PLXNA2: variants seen among roughly 807,000 people sequenced by gnomAD.
The protein encoded by PLXNA2 is plexin A2.
PLXNA2 carries 91 observed loss-of-function variants against 193.5 expected under a neutral mutation model. That is an observed-to-expected ratio of 0.47 (90% CI 0.40 to 0.56). PLXNA2 has a LOEUF of 0.56. PLXNA2 is among the 20% of genes least tolerant of loss of function. The pLI, the probability that PLXNA2 is intolerant of heterozygous loss-of-function variation, is 0.00. For missense variants in PLXNA2, 1,995 were observed against 2,503.2 expected (o/e 0.80, Z 4.33); for synonymous variants, 997 against 1,027.3 (o/e 0.97, Z 0.56).
chr1:208,047,546 C>T (rs1665119226), intron 17 of PLXNA2, among the ~76,000 whole-genome samples: 1 of 152,242 alleles, frequency 6.6e-6, no homozygotes, highest in African/African-American at 2.4e-5. Context: ...AAAACCCAGA[C>T]TCCTACTCCC....
chr1:208,042,953 C>T (rs1664924055), intron 21 of PLXNA2, 108 bp downstream of exon 21: 1 of 1,148,076 alleles, frequency 8.7e-7, no homozygotes, highest in African/African-American at 1.5e-5. Flanking sequence ...CTACTGACCC[C>T]TCTTCCCTGC....
intron 2 of PLXNA2, among the ~76,000 whole-genome samples, chr1:208,210,731 A>C (rs1670916555): frequency 6.6e-6 from 1 of 152,168 alleles, no homozygotes; most frequent in African/African-American, 2.4e-5. Context: ...CTGCCAGGAG[A>C]ACCAGGATCA....
Position 208,084,432 on chromosome 1 carries a change from C to G in PLXNA2, c.2246G>C (p.Arg749Pro). The G allele has an allele frequency of 6.2e-7, 1 of 1,614,248 alleles. No individual in the cohort carries two copies. The highest frequency in any genetic ancestry group is 8.5e-7 in the Non-Finnish European group (1 of 1,180,044). The change falls in exon 10 of 32, where the codon CGG (arginine) becomes CCG (proline). Residue 749 changes from arginine to proline, a missense_variant. Arg to Pro is a moderately radical substitution (Grantham distance 103, BLOSUM62 -2). Transcript: ENST00000367033. The part of the protein sequence containing the change: ...CVLNIQGAIH[R>P]VPALRFNSSS... The stretch of plus-strand genomic sequence containing the variant: ...GCTGTTGAAGCGCAGAGCGGGGACC[C>G]GGTGGATGGCTCCTTGTATGTTGAG...
chr1:208,207,621 T>C (rs978362711), intron 3 of PLXNA2, among the ~76,000 whole-genome samples: 1 of 152,096 alleles, frequency 6.6e-6, no homozygotes, highest in African/African-American at 2.4e-5. Flanking sequence ...CTTTCCAAAC[T>C]CTTAGCTATT....
At chr1:208,160,042 C>G (rs1669062598) in intron 3 of PLXNA2, among the ~76,000 whole-genome samples, 1 of 152,180 alleles carries the variant, frequency 6.6e-6, no homozygotes, top group Non-Finnish European at 1.5e-5. Context: ...CTGTAAGGCT[C>G]CTCTGGTCTC....
chr1:208,051,068 G>C lies in PLXNA2; in HGVS notation c.3196C>G (p.Leu1066Val). ...ATCCTTGGCTCCTGAATGACATCCA[G>C]GTTGAAGCCTGTGATGGTCAGGGGT... ...HTPLTITGFNLDVIQEPRIRV... is the reference protein window; with the variant it reads ...HTPLTITGFNVDVIQEPRIRV... Residue 1066 changes from leucine to valine, a missense_variant, in exon 17 of 32, where the codon CTG (leucine) becomes GTG (valine). This residue lies in a region of PLXNA2 where 1,291 missense variants were observed against 1,673.6 expected (regional missense o/e 0.77). Transcript: ENST00000367033. The C allele has an allele frequency of 6.2e-7, 1 of 1,614,144 alleles. No individual in the cohort carries two copies. The highest frequency in any genetic ancestry group is 8.5e-7 in the Non-Finnish European group (1 of 1,179,984).
chr1:208,187,726 T>C (rs528239046), intron 3 of PLXNA2, among the ~76,000 whole-genome samples: 19 of 152,316 alleles, frequency 1.2e-4, no homozygotes, highest in African/African-American at 4.1e-4. Flanking sequence ...AAGTATTTTC[T>C]CCACCTTCAG....
chr1:208,081,861 A>G (rs1666353521), intron 11 of PLXNA2, among the ~76,000 whole-genome samples: 1 of 152,114 alleles, frequency 6.6e-6, no homozygotes, highest in Non-Finnish European at 1.5e-5. Flanking sequence ...GGAGCTCGAC[A>G]TGAGTTTATA....
rs187164153 is a variant in PLXNA2, at chr1:208,097,067, T to A, written c.1732-184A>T. On this transcript the variant is annotated intron_variant, in intron 6 of 31. Transcript: ENST00000367033. ...AGTTACAGTCATTAATTATTCAATG[T>A]GTGTAGGGTCAATGGTCTTTATTAA... Among the ~76,000 whole-genome samples, 156 of 152,322 alleles carry A rather than the reference T, an allele frequency of 1.0e-3. 1 individual carries two copies. The highest frequency in any genetic ancestry group is 3.1e-3 in the Admixed American group (47 of 15,302).
chr1:208,190,645 G>A (rs1050946660), intron 3 of PLXNA2, among the ~76,000 whole-genome samples: 1 of 152,144 alleles, frequency 6.6e-6, no homozygotes, highest in Admixed American at 6.5e-5. Context: ...CCCACTAGAC[G>A]CCAATAGCTC....
chr1:208,124,884 C>T (rs997007644), intron 4 of PLXNA2, among the ~76,000 whole-genome samples: 2 of 152,060 alleles, frequency 1.3e-5, no homozygotes, highest in Non-Finnish European at 2.9e-5. Context: ...CCTTAGTGGC[C>T]AGGCACGGCA....
In PLXNA2 at chr1:208,203,805, G is replaced by A. The variant is rs1344790518; in HGVS notation, c.1371+6475C>T. ...GATGCAGGGGCGATCAGCACCCTCA[G>A]TTGAAGTATTTGAGGAAGATGAAAA... is the stretch of plus-strand genomic sequence containing the variant. On this transcript the variant is annotated intron_variant, in intron 3 of 31. Transcript: ENST00000367033. Among the ~76,000 whole-genome samples the A allele has an allele frequency of 2.0e-5, 3 of 152,200 alleles. No homozygotes were observed. The South Asian group carries it at 6.2e-4, about 31-fold the overall frequency.
chr1:208,058,222 G>T (rs2102345557), intron 13 of PLXNA2, among the ~76,000 whole-genome samples: 1 of 152,332 alleles, frequency 6.6e-6, no homozygotes, highest in South Asian at 2.1e-4. Flanking sequence ...TCCATGTGGA[G>T]CCCCTGTCCC....
At position 208,109,251 on chromosome 1, in the gene PLXNA2, G is replaced by A. The variant is rs567443775; in HGVS notation, c.1507-6004C>T. Among the ~76,000 whole-genome samples, 4 of 152,224 alleles carry A rather than the reference G, an allele frequency of 2.6e-5. No homozygotes were observed. The East Asian group carries it at 7.8e-4, about 30-fold the overall frequency. On this transcript the variant is annotated intron_variant, in intron 4 of 31. Coordinates refer to ENST00000367033, the MANE Select transcript of PLXNA2 (RefSeq NM_025179.4). The stretch of plus-strand genomic sequence containing the variant: ...GCACACAGCAGCTGAAGCTGATGGA[G>A]CTGGCTCCCTGGGCCTCTCTCCTTT...
chr1:208,114,389 C>T (rs1413071369), intron 4 of PLXNA2, among the ~76,000 whole-genome samples: 1 of 152,202 alleles, frequency 6.6e-6, no homozygotes, highest in African/African-American at 2.4e-5. Context: ...AATGGTATGA[C>T]ACAGAATCAG....
chr1:208,217,939 G>C lies in PLXNA2; in HGVS notation c.-17C>G, dbSNP rs560885287. ...CTGTTCCATGCTGAGAGGGGCGGCG[G>C]TGAGGAGACGGCTCCTGTGTGTGCT... is the stretch of plus-strand genomic sequence containing the variant. On this transcript the variant is annotated 5_prime_UTR_variant, in exon 2 of 32. Coordinates refer to ENST00000367033, the MANE Select transcript of PLXNA2 (RefSeq NM_025179.4). The surrounding 1 kb of genome is among the most constrained non-coding windows in gnomAD (Gnocchi z 4.7). 6.2e-7 allele frequency: 1 copy of C among 1,603,062 alleles called. No individual in the cohort carries two copies. The highest frequency in any genetic ancestry group is 1.1e-5 in the South Asian group (1 of 90,928).
At chr1:208,100,451 A>G (rs1286111101) in intron 5 of PLXNA2, among the ~76,000 whole-genome samples, 7 of 152,152 alleles carry the variant, frequency 4.6e-5, no homozygotes, top group Admixed American at 4.6e-4. Context: ...GGCCTGGCGC[A>G]TAGTAGGTGC....
chr1:208,091,402 C>A (rs1398238136), intron 9 of PLXNA2, among the ~76,000 whole-genome samples: 1 of 152,222 alleles, frequency 6.6e-6, no homozygotes, highest in Non-Finnish European at 1.5e-5. Context: ...AAATCTTAGA[C>A]AAGTTGACAC....
intron 4 of PLXNA2, among the ~76,000 whole-genome samples, chr1:208,126,021 A>G (rs953581789): frequency 1.3e-5 from 2 of 152,248 alleles, no homozygotes; most frequent in African/African-American, 4.8e-5. Flanking sequence ...GTGCAAGTTC[A>G]AAACACCTGC....
Sources: gnomAD v4.1 joint callset for allele counts (sites outside exome capture counted in the v4.1 genomes callset) on GRCh38, gnomAD v4.1.1 for gene constraint, gnomAD v4.1.1 regional missense constraint, Gnocchi (gnomAD v3.1) non-coding constraint, MANE v1.5 for transcripts, NCBI Gene and HGNC (gene_info 2026-07-23, HGNC 2026-07-21) for gene names.